Variants in ZNF274 observed in about 807,000 individuals in gnomAD.
ZNF274 encodes the protein neurotrophin receptor-interacting factor homolog.
A neutral mutation model predicts 42.5 loss-of-function variants in ZNF274; 23 were observed. The ratio of observed to expected loss-of-function variants is 0.54; its 90% CI spans 0.39 to 0.77. The LOEUF (loss-of-function observed/expected upper bound fraction) is 0.77, where lower values mean the gene tolerates loss of function less well. Ranked by LOEUF, ZNF274 falls within the 30% of genes least tolerant of loss-of-function variation. The probability of loss-of-function intolerance (pLI) is 0.00; values close to 1 mark genes in which losing one functional copy is unlikely to be tolerated. For synonymous variants in ZNF274, 292 were observed against 305.4 expected, an observed-to-expected ratio of 0.96 and a Z score of 0.46; for missense variants, 679 against 806.5, an observed-to-expected ratio of 0.84 and a Z score of 1.91.
chr19:58,210,114 C>T, intron 6 of ZNF274, 41 bp downstream of exon 6: 1 of 1,564,424 alleles, frequency 6.4e-7, no homozygotes, highest in Non-Finnish European at 8.8e-7. Flanking sequence ...ACAGCATCTC[C>T]TGTGAGGCAG....
chr19:58,201,049 G>C (rs1380871805), intron 4 of ZNF274, among the ~76,000 whole-genome samples: 1 of 151,782 alleles, frequency 6.6e-6, no homozygotes, highest in Non-Finnish European at 1.5e-5. Flanking sequence ...CTCTCACCTA[G>C]GCGGTAGTAC....
At position 58,207,076 on chromosome 19, in the gene ZNF274, G is replaced by T. The variant is rs1177708402; in HGVS notation, c.613G>T (p.Val205Leu). The T allele has an allele frequency of 1.2e-6, 2 of 1,613,774 alleles. No homozygotes were observed. The highest frequency in any genetic ancestry group is 2.7e-5 in the African/African-American group (2 of 74,942). Residue 205 changes from valine to leucine, a missense_variant, in exon 5 of 8, where the codon GTG (valine) becomes TTG (leucine). Around this residue, in one of 2 missense-constraint regions of ZNF274, gnomAD observed 456 missense variants for 590.1 expected, o/e 0.77. Transcript: ENST00000617501. This position sits in a 1 kb window ranked among gnomAD's most constrained non-coding sequence, Gnocchi z 5.6. ...RSKEQILELL[V>L]LEQFLGALPV... is the part of the protein sequence containing the mutation. Reference sequence around the variant, plus strand: ...CAAGGAGCAGATCCTGGAGCTGCTGGTGCTGGAGCAGTTCCTAGGTGCACT... The same window carrying T: ...CAAGGAGCAGATCCTGGAGCTGCTGTTGCTGGAGCAGTTCCTAGGTGCACT...
At chr19:58,187,129 G>C in intron 4 of ZNF274, 87 bp downstream of exon 4, 2 of 1,150,030 alleles carry the variant, frequency 1.7e-6, no homozygotes, top group South Asian at 1.3e-5. Context: ...GTAGACATTG[G>C]GATACCCCAG....
At chr19:58,203,036 T>C (rs1048650521) in intron 4 of ZNF274, among the ~76,000 whole-genome samples, 4 of 152,104 alleles carry the variant, frequency 2.6e-5, no homozygotes, top group Non-Finnish European at 4.4e-5. Context: ...GGCCAAGGCA[T>C]GAAAATCCCT....
chr19:58,195,038 A>G (rs1401204281), intron 4 of ZNF274, among the ~76,000 whole-genome samples: 3 of 151,296 alleles, frequency 2.0e-5, no homozygotes, highest in Non-Finnish European at 2.9e-5. Context: ...AAATAAATAA[A>G]AATACAAAAA....
chr19:58,193,849 T>C (rs1331838270), intron 4 of ZNF274, among the ~76,000 whole-genome samples: 1 of 151,768 alleles, frequency 6.6e-6, no homozygotes, highest in Non-Finnish European at 1.5e-5. Context: ...TTGCTTGAGC[T>C]TGGGAGTTTG....
intron 4 of ZNF274, among the ~76,000 whole-genome samples, chr19:58,200,929 G>T (rs2075902209): frequency 6.6e-6 from 1 of 152,126 alleles, no homozygotes; most frequent in East Asian, 1.9e-4. Flanking sequence ...ACTCATGGTG[G>T]AAGGCAGGGA....
In ZNF274 at chr19:58,207,258, G is replaced by A. The variant is rs2075991024; in HGVS notation, c.739+56G>A. 6.5e-7 allele frequency: 1 copy of A among 1,532,818 alleles called. No homozygotes were observed. Among genetic ancestry groups the A allele is most frequent in the Non-Finnish European group, 8.8e-7 (1 of 1,139,976 alleles). The allele number at this position is 1,532,818 out of a possible 1,614,324, so 95.0% of individuals were successfully genotyped here. On this transcript the variant is annotated intron_variant, in intron 5 of 7. Transcript: ENST00000617501. The surrounding 1 kb of genome is among the most constrained non-coding windows in gnomAD (Gnocchi z 5.6). ...TAATGAGGGTGTCTTGGAGTACCCT[G>A]TGGGGGAGATAAGAACTCCAGGCTT...
chr19:58,198,518 C>T (rs747411681), intron 4 of ZNF274, among the ~76,000 whole-genome samples: 4 of 152,190 alleles, frequency 2.6e-5, no homozygotes, highest in African/African-American at 4.8e-5. Context: ...TAGTCAAGTG[C>T]GAACACACAA....
chr19:58,200,614 T>C (rs1357704787), intron 4 of ZNF274, among the ~76,000 whole-genome samples: 3 of 151,422 alleles, frequency 2.0e-5, no homozygotes, highest in East Asian at 1.9e-4. Context: ...GGCGAAGATG[T>C]TGGGGAAGAC....
Position 58,211,021 on chromosome 19 carries a change from C to CCTTT in ZNF274, c.853-535_853-532dup, listed in dbSNP as rs1334846753. ...GTGAGCCACTGCGCGTGGCCACTCC[C>CCTTT]CTTTCTTCTTAGGCAGATTCTGCCC... On this transcript the variant is annotated intron_variant, in intron 6 of 7. Transcript: ENST00000617501. The surrounding 1 kb of genome is among the most constrained non-coding windows in gnomAD (Gnocchi z 4.8). 6.6e-6 allele frequency: 1 copy of CCTTT among 152,492 alleles called. No homozygotes were observed. The highest frequency in any genetic ancestry group is 2.4e-5 in the African/African-American group (1 of 41,456). The allele number at this position is 152,492 out of a possible 1,614,324, so 9.4% of individuals were successfully genotyped here.
chr19:58,213,391 G>A lies in ZNF274; in HGVS notation c.*248G>A. ...TTGATATTGTTTGTTCACTCATTTA[G>A]TCATTAAAAGTGAGATTAATAAAAT... On this transcript the variant is annotated 3_prime_UTR_variant, in exon 8 of 8. Coordinates refer to ENST00000617501, the MANE Select transcript of ZNF274 (RefSeq NM_133502.3). 2.3e-6 allele frequency: 1 copy of A among 434,818 alleles called. No individual in the cohort carries two copies. Among genetic ancestry groups the A allele is most frequent in the Non-Finnish European group, 4.0e-6 (1 of 250,092 alleles). The allele number at this position is 434,818 out of a possible 1,614,324, so 26.9% of individuals were successfully genotyped here.
chr19:58,200,136 C>T (rs2075893098), intron 4 of ZNF274, among the ~76,000 whole-genome samples: 2 of 152,190 alleles, frequency 1.3e-5, no homozygotes, highest in South Asian at 4.1e-4. Flanking sequence ...GCCAGGATTC[C>T]AGGTACTGTT....
chr19:58,204,697 A>C (rs754883289), intron 4 of ZNF274, among the ~76,000 whole-genome samples: 4 of 152,302 alleles, frequency 2.6e-5, no homozygotes, highest in Non-Finnish European at 5.9e-5. Flanking sequence ...ACTGCTTACA[A>C]GGGAGTTTTT....
chr19:58,190,111 A>C (rs1231073061), intron 4 of ZNF274, among the ~76,000 whole-genome samples: 1 of 150,966 alleles, frequency 6.6e-6, no homozygotes, highest in Non-Finnish European at 1.5e-5. Flanking sequence ...CGACAGAGCA[A>C]GACTCTATCT....
In ZNF274 at chr19:58,186,998, A is replaced by T. The variant is rs1357402600; in HGVS notation, c.212A>T (p.Asp71Val). Residue 71 changes from aspartate (D) to valine (V), a missense_variant, in exon 4 of 8, where the codon GAT becomes GTT. Physicochemically the swap from Asp to Val is radical, Grantham distance 152 (BLOSUM62 -3). Transcript: ENST00000617501. The part of the protein sequence containing the change: ...DVVSQLEEAE[D>V]FWPVERGIPQ... ...GTATCTCAGTTAGAGGAGGCAGAAG[A>T]TTTCTGGCCAGTGGAGAGAGGAATT... is the stretch of plus-strand genomic sequence containing the variant. 7 of 1,613,614 alleles carry T rather than the reference A, an allele frequency of 4.3e-6. No homozygotes were observed.
At chr19:58,199,657 G>A (rs1435806872) in intron 4 of ZNF274, among the ~76,000 whole-genome samples, 13 of 152,254 alleles carry the variant, frequency 8.5e-5, no homozygotes, top group Admixed American at 8.5e-4. Flanking sequence ...ATGTTGCCAT[G>A]AGCAGAGATC....
rs189167357 is a variant in ZNF274, at chr19:58,203,749, G to T, written c.257-2971G>T. On this transcript the variant is annotated intron_variant, in intron 4 of 7. Coordinates refer to ENST00000617501, the MANE Select transcript of ZNF274 (RefSeq NM_133502.3). ...CTTATAAATGAGTTGGAGAGGCCAA[G>T]CCCCCAAAATGAAAATACCTCAAAA... Among the ~76,000 whole-genome samples the T allele has an allele frequency of 3.9e-5, 6 of 152,294 alleles. No individual in the cohort carries two copies. In the East Asian group the frequency reaches 1.2e-3, roughly 29 times the overall value.
intron 2 of ZNF274, 154 bp from the exon 3 acceptor site, chr19:58,185,558 A>T: frequency 1.4e-6 from 1 of 713,764 alleles, no homozygotes; most frequent in Non-Finnish European, 2.1e-6. Flanking sequence ...TTGGGGTTTC[A>T]GACAAAGACA....
Sources: allele counts gnomAD v4.1 joint callset (sites outside exome capture counted in the v4.1 genomes callset), GRCh38; gene constraint gnomAD v4.1.1; regional missense constraint gnomAD v4.1.1; non-coding constraint Gnocchi (gnomAD v3.1); transcripts MANE v1.5; gene names NCBI Gene and HGNC (gene_info 2026-07-23, HGNC 2026-07-21).